Variants in ARHGAP42 observed in about 807,000 individuals in gnomAD.
ARHGAP42 encodes rho GTPase-activating protein 42.
A neutral mutation model predicts 125.0 loss-of-function variants in ARHGAP42; 63 were observed. The ratio of observed to expected loss-of-function variants is 0.50; its 90% CI spans 0.41 to 0.62. The LOEUF is 0.62. Ranked by LOEUF, ARHGAP42 falls within the 20% of genes least tolerant of loss-of-function variation. The pLI, the probability that ARHGAP42 is intolerant of heterozygous loss-of-function variation, is 0.00. For synonymous variants in ARHGAP42, 339 were observed against 351.0 expected (o/e 0.97, Z 0.38); for missense variants, 766 against 1,024.2 (o/e 0.75, Z 3.44).
chr11:100,721,088 G>A (rs1336671469), intron 1 of ARHGAP42, among the ~76,000 whole-genome samples: 1 of 151,948 alleles, frequency 6.6e-6, no homozygotes, highest in Non-Finnish European at 1.5e-5. Flanking sequence ...TAAAATAAAT[G>A]AACCAATATT....
rs190106162 is a variant in ARHGAP42, at chr11:100,938,807, G to A, written c.832+2475G>A. On this transcript the variant is annotated intron_variant, in intron 8 of 23. Coordinates refer to ENST00000298815, the MANE Select transcript of ARHGAP42 (RefSeq NM_152432.4). ...CTTCTAACTTGGGATCTTTGAAAGC[G>A]TTTACAATTAAAACAATCTAACCAG... Among the ~76,000 whole-genome samples the A allele has an allele frequency of 1.4e-4, 22 of 152,258 alleles. No homozygotes were observed. The East Asian group carries it at 1.7e-3, about 12-fold the overall frequency.
intron 1 of ARHGAP42, among the ~76,000 whole-genome samples, chr11:100,740,816 G>A (rs1034258764): frequency 1.3e-5 from 2 of 152,116 alleles, no homozygotes; most frequent in Non-Finnish European, 2.9e-5. Flanking sequence ...TGAAGCTTTG[G>A]AACGTTACTT....
Position 100,842,165 on chromosome 11 carries a change from T to C in ARHGAP42, c.313-17389T>C, listed in dbSNP as rs187731514. 2.0e-5 allele frequency among the ~76,000 whole-genome samples: 3 copies of C among 152,256 alleles called. No homozygotes were observed. The East Asian group carries it at 5.8e-4, about 29-fold the overall frequency. The stretch of plus-strand genomic sequence containing the variant: ...TCACCCGAAAGGTTATGACAAAAAA[T>C]AGTCTGTGTCTTGCTTCTGGTTGGA... On this transcript the variant is annotated intron_variant, in intron 3 of 23. Transcript: ENST00000298815.
At chr11:100,966,628 T>G (rs1322044058) in intron 17 of ARHGAP42, among the ~76,000 whole-genome samples, 1 of 152,176 alleles carries the variant, frequency 6.6e-6, no homozygotes, top group Non-Finnish European at 1.5e-5. Context: ...ACAAAATACC[T>G]TAATAGAAAC....
intron 4 of ARHGAP42, among the ~76,000 whole-genome samples, chr11:100,897,616 T>A (rs1866398163): frequency 1.3e-5 from 2 of 152,074 alleles, no homozygotes; most frequent in Admixed American, 1.3e-4. Flanking sequence ...TGAATGGGAG[T>A]TCACTCATGA....
At chr11:100,712,983 G>A (rs995106741) in intron 1 of ARHGAP42, among the ~76,000 whole-genome samples, 10 of 151,906 alleles carry the variant, frequency 6.6e-5, no homozygotes, top group African/African-American at 1.5e-4. Flanking sequence ...ATGACATATC[G>A]AAAATATCAT....
chr11:100,810,385 C>T (rs113307129), intron 3 of ARHGAP42, among the ~76,000 whole-genome samples: 56 of 152,290 alleles, frequency 3.7e-4, no homozygotes, highest in African/African-American at 1.3e-3. Flanking sequence ...AGTGGTTAAC[C>T]ACCGGCTGGT....
intron 1 of ARHGAP42, among the ~76,000 whole-genome samples, chr11:100,690,224 G>T (rs1274745187): frequency 3.7e-4 from 57 of 152,100 alleles, no homozygotes; most frequent in Non-Finnish European, 3.5e-4. Context: ...TTCAATAGAT[G>T]TATCCATTAC....
At chr11:100,936,991 C>CGT (rs1255827983) in intron 8 of ARHGAP42, among the ~76,000 whole-genome samples, 3 of 152,182 alleles carry the variant, frequency 2.0e-5, no homozygotes, top group Non-Finnish European at 4.4e-5. Context: ...GCATCATTCT[C>CGT]GTGCTGTTTT....
intron 3 of ARHGAP42, among the ~76,000 whole-genome samples, chr11:100,844,999 A>T (rs1865028096): frequency 6.6e-6 from 1 of 152,174 alleles, no homozygotes; most frequent in Non-Finnish European, 1.5e-5. Context: ...ACATGTTCAT[A>T]GCAGCACAAT....
intron 3 of ARHGAP42, among the ~76,000 whole-genome samples, chr11:100,820,787 A>G (rs1209796994): frequency 6.6e-6 from 1 of 152,110 alleles, no homozygotes; most frequent in African/African-American, 2.4e-5. Flanking sequence ...ATGTATTGTT[A>G]GTTACACTTT....
At chr11:100,970,536 C>T (rs925371495) in intron 17 of ARHGAP42, among the ~76,000 whole-genome samples, 1 of 151,976 alleles carries the variant, frequency 6.6e-6, no homozygotes, top group Non-Finnish European at 1.5e-5. Context: ...TTTTTGACAA[C>T]ACCCTGGAGC....
chr11:100,926,255 G>A (rs1246875165), intron 6 of ARHGAP42, among the ~76,000 whole-genome samples: 1 of 152,162 alleles, frequency 6.6e-6, no homozygotes, highest in Non-Finnish European at 1.5e-5. Context: ...ATCCATAACA[G>A]CATTATTATG....
At chr11:100,889,768 T>G (rs1226534074) in intron 4 of ARHGAP42, among the ~76,000 whole-genome samples, 1 of 152,196 alleles carries the variant, frequency 6.6e-6, no homozygotes, top group Non-Finnish European at 1.5e-5. Context: ...CTGTGTTATC[T>G]TCAGTCTCTT....
intron 6 of ARHGAP42, among the ~76,000 whole-genome samples, chr11:100,927,801 C>T (rs773138658): frequency 2.0e-5 from 3 of 152,130 alleles, no homozygotes; most frequent in South Asian, 2.1e-4. Flanking sequence ...AGTGCTGAGG[C>T]GATGCATGGC....
intron 22 of ARHGAP42, among the ~76,000 whole-genome samples, chr11:100,979,897 GT>G (rs1163611618): frequency 6.6e-6 from 1 of 152,148 alleles, no homozygotes; most frequent in African/African-American, 2.4e-5. Context: ...TTGTATAGTT[GT>G]TGTATAGTTC....
chr11:100,951,512 T>C (rs1287486842), intron 12 of ARHGAP42, among the ~76,000 whole-genome samples: 1 of 152,168 alleles, frequency 6.6e-6, no homozygotes, highest in African/African-American at 2.4e-5. Flanking sequence ...GTTAGTCCTT[T>C]CAAATTCAAA....
intron 3 of ARHGAP42, among the ~76,000 whole-genome samples, chr11:100,855,126 G>A (rs1171656759): frequency 6.6e-6 from 1 of 152,018 alleles, no homozygotes; most frequent in Non-Finnish European, 1.5e-5. Context: ...ATAGCCTTAA[G>A]CAATTGCTTT....
Position 100,834,984 on chromosome 11 carries a change from A to G in ARHGAP42, c.313-24570A>G, listed in dbSNP as rs536506518. 3.5e-4 allele frequency among the ~76,000 whole-genome samples: 53 copies of G among 151,482 alleles called. No homozygotes were observed. In the South Asian group the frequency reaches 0.011, roughly 30 times the overall value. ...TTTATAAATGTATGTTGATGATTTT[A>G]TTCACCCTGTTTCATAAGTAAAACA... On this transcript the variant is annotated intron_variant, in intron 3 of 23. Transcript: ENST00000298815.
Sources: gnomAD v4.1 joint callset for allele counts (sites outside exome capture counted in the v4.1 genomes callset) on GRCh38, gnomAD v4.1.1 for gene constraint, MANE v1.5 for transcripts, NCBI Gene and HGNC (gene_info 2026-07-23, HGNC 2026-07-21) for gene names.